SEPTIN3: variants seen among roughly 807,000 people sequenced by gnomAD.
The protein encoded by SEPTIN3 is septin 3.
SEPTIN3 carries 15 observed loss-of-function variants against 45.1 expected under a neutral mutation model. That is an observed-to-expected ratio of 0.33 (90% CI 0.22 to 0.51). SEPTIN3 has a LOEUF of 0.51. Among genes scored for constraint, SEPTIN3 ranks in the 20% least tolerant of loss-of-function variants. The probability of loss-of-function intolerance (pLI) is 0.97; values close to 1 mark genes in which losing one functional copy is unlikely to be tolerated. For synonymous variants in SEPTIN3, 148 were observed against 164.8 expected (o/e 0.90, Z 0.78); for missense variants, 289 against 457.2 (o/e 0.63, Z 3.35).
At chr22:41,980,041 T>C (rs1448807415) in intron 2 of SEPTIN3, among the ~76,000 whole-genome samples, 1 of 151,776 alleles carries the variant, frequency 6.6e-6, no homozygotes, top group Non-Finnish European at 1.5e-5. Context: ...CTTTAACCAA[T>C]GCTTTCACAT....
At chr22:41,996,031 CCATTTGCTT>C (rs2078429959) in intron 11 of SEPTIN3, 5 of 985,408 alleles carry the variant, frequency 5.1e-6, no homozygotes, top group Non-Finnish European at 6.0e-6. Context: ...CTCTGTTGCT[CCATTTGCTT>C]CATACATACT....
rs907860335 is a variant in SEPTIN3 at position 41,976,927 on chromosome 22, G to T, written c.1504+3931G>T. 2 of 514,822 alleles carry T rather than the reference G, an allele frequency of 3.9e-6. No individual in the cohort carries two copies. Among genetic ancestry groups the T allele is most frequent in the Admixed American group, 5.5e-5 (1 of 18,182 alleles). 31.9% of individuals were successfully genotyped at this position (514,822 alleles called of 1,614,324 possible). On this transcript the variant is annotated intron_variant, in intron 2 of 11. Coordinates refer to ENST00000644076, the MANE Select transcript of SEPTIN3 (RefSeq NM_001363845.2). This position sits in a 1 kb window ranked among gnomAD's most constrained non-coding sequence, Gnocchi z 5.8. ...GGGCGGCGCGGCGGGGCCGCGGGCC[G>T]GGCGGGTGGGAGGAGAGCGCGAAGG...
At position 41,994,434 on chromosome 22, in the gene SEPTIN3, T is replaced by C; in HGVS notation, c.2411+93T>C. 6.6e-7 allele frequency: 1 copy of C among 1,515,054 alleles called. No individual in the cohort carries two copies. The highest frequency in any genetic ancestry group is 9.1e-7 in the Non-Finnish European group (1 of 1,095,356). The allele number at this position is 1,515,054 out of a possible 1,614,324, so 93.9% of individuals were successfully genotyped here. On this transcript the variant is annotated intron_variant, in intron 10 of 11. Coordinates refer to ENST00000644076, the MANE Select transcript of SEPTIN3 (RefSeq NM_001363845.2). This position sits in a 1 kb window ranked among gnomAD's most constrained non-coding sequence, Gnocchi z 4.2. ...CAGATTCACCTCCTGCATCTCCAGG[T>C]CTCTCTGACAGAGCTTTCTGCCCCA...
intron 6 of SEPTIN3, among the ~76,000 whole-genome samples, chr22:41,988,431 G>C (rs941632923): frequency 2.6e-5 from 4 of 152,030 alleles, no homozygotes; most frequent in African/African-American, 9.7e-5. Flanking sequence ...CGGGGGAGGG[G>C]GGTCCCATAA....
chr22:41,969,742 G>T, intron 1 of SEPTIN3, 65 bp downstream of exon 1: 1 of 142,304 alleles, frequency 7.0e-6, no homozygotes, highest in African/African-American at 2.6e-5. Flanking sequence ...TGGGGGTGGG[G>T]TGGGGAAGGA....
chr22:41,985,532 C>G (rs923308100), intron 3 of SEPTIN3: 1 of 161,306 alleles, frequency 6.2e-6, no homozygotes, highest in African/African-American at 2.4e-5. Context: ...AGTTCTGCTT[C>G]AGGATCCACA....
chr22:41,986,217 C>T (rs916402419), intron 4 of SEPTIN3, 105 bp downstream of exon 4: 1 of 1,401,432 alleles, frequency 7.1e-7, no homozygotes, highest in African/African-American at 1.4e-5. Context: ...AAAAGGCAAC[C>T]TTAAGACAAA....
chr22:41,988,284 G>C (rs2078243104), intron 6 of SEPTIN3, among the ~76,000 whole-genome samples: 1 of 152,140 alleles, frequency 6.6e-6, no homozygotes, highest in Admixed American at 6.5e-5. Flanking sequence ...AGTACTATCT[G>C]ATAGGCAGAA....
intron 9 of SEPTIN3, among the ~76,000 whole-genome samples, chr22:41,993,711 C>T (rs1182526879): frequency 1.3e-5 from 2 of 152,102 alleles, no homozygotes; most frequent in African/African-American, 4.8e-5. Flanking sequence ...CCAGGCTGAT[C>T]TCAAACTCCT....
chr22:41,970,606 C>G (rs2077949008), intron 1 of SEPTIN3, among the ~76,000 whole-genome samples: 1 of 152,202 alleles, frequency 6.6e-6, no homozygotes, highest in Admixed American at 6.5e-5. Context: ...CTTGGCTCTC[C>G]CCTCCCTGCT....
intron 4 of SEPTIN3, 65 bp downstream of exon 4, chr22:41,986,177 G>C: frequency 6.3e-7 from 1 of 1,579,120 alleles, no homozygotes; most frequent in Non-Finnish European, 8.6e-7. Context: ...AAAGGGGAAA[G>C]AATGGGGCTT....
intron 3 of SEPTIN3, among the ~76,000 whole-genome samples, chr22:41,982,908 A>G (rs989502620): frequency 2.6e-5 from 4 of 151,890 alleles, no homozygotes; most frequent in East Asian, 1.9e-4. Context: ...AAAAGAAGAA[A>G]AAAAAAAGAG....
At chr22:41,974,700 CATG>C (rs1410336853) in intron 2 of SEPTIN3, among the ~76,000 whole-genome samples, 7 of 147,872 alleles carry the variant, frequency 4.7e-5, no homozygotes, top group Non-Finnish European at 7.5e-5. Context: ...GCCTGGCCAA[CATG>C]ATGAAACCCC....
At chr22:41,992,590 C>G (rs1335851115) in intron 8 of SEPTIN3, 74 bp from the exon 9 acceptor site, 1 of 938,002 alleles carries the variant, frequency 1.1e-6, no homozygotes, top group African/African-American at 1.6e-5. Flanking sequence ...CATATGCCAT[C>G]CTGCTCCTGA....
At chr22:41,979,313 T>C (rs2146680974) in intron 2 of SEPTIN3, among the ~76,000 whole-genome samples, 1 of 152,256 alleles carries the variant, frequency 6.6e-6, no homozygotes, top group South Asian at 2.1e-4. Flanking sequence ...ACACACTTTA[T>C]AGGAATCTTT....
At chr22:41,980,320 T>C (rs2078101859) in intron 2 of SEPTIN3, among the ~76,000 whole-genome samples, 1 of 152,084 alleles carries the variant, frequency 6.6e-6, no homozygotes, top group South Asian at 2.1e-4. Context: ...GTATTTTTAA[T>C]AGAGACAGGG....
Position 41,996,886 on chromosome 22 carries a change from C to G in SEPTIN3, c.2506-16C>G. On this transcript the variant is annotated splice_polypyrimidine_tract_variant and intron_variant, in intron 11 of 11. Transcript: ENST00000644076. Reference sequence around the variant, plus strand: ...GCTGGTCTCCACACCCTCAACCGTTCTCAACCCCCCTGCAGGGAGAAGGCC... The same window carrying G: ...GCTGGTCTCCACACCCTCAACCGTTGTCAACCCCCCTGCAGGGAGAAGGCC... 6.2e-7 allele frequency: 1 copy of G among 1,613,602 alleles called. No individual in the cohort carries two copies.
Position 41,994,177 on chromosome 22 carries a change from G to A in SEPTIN3, c.2360-113G>A. 2.2e-6 allele frequency: 2 copies of A among 905,222 alleles called. No homozygotes were observed. Among genetic ancestry groups the A allele is most frequent in the South Asian group, 1.4e-5 (1 of 69,440 alleles). 56.1% of individuals were successfully genotyped at this position (905,222 alleles called of 1,614,324 possible). A position where few individuals can be genotyped will look rare whatever the true frequency, so the allele number is the denominator to read the frequency against. On this transcript the variant is annotated intron_variant, in intron 9 of 11. Transcript: ENST00000644076. The surrounding 1 kb of genome is among the most constrained non-coding windows in gnomAD (Gnocchi z 4.2). Reference sequence around the variant, plus strand: ...CTGGAAGGGTTACAAAAAATGACCTGTCCCATAGCTTTCTCCTAAATGCCT... The same window carrying A: ...CTGGAAGGGTTACAAAAAATGACCTATCCCATAGCTTTCTCCTAAATGCCT...
intron 9 of SEPTIN3, among the ~76,000 whole-genome samples, chr22:41,993,926 T>A (rs1211941579): frequency 6.6e-6 from 1 of 152,218 alleles, no homozygotes; most frequent in Non-Finnish European, 1.5e-5. Flanking sequence ...TATTATTTTC[T>A]CTGTGTTACT....
Sources: gnomAD v4.1 joint callset for allele counts (sites outside exome capture counted in the v4.1 genomes callset) on GRCh38, gnomAD v4.1.1 for gene constraint, Gnocchi (gnomAD v3.1) non-coding constraint, MANE v1.5 for transcripts, NCBI Gene and HGNC (gene_info 2026-07-23, HGNC 2026-07-21) for gene names.